The following NTRK1 variants were observed in gnomAD, a reference collection of about 807,000 sequenced individuals.
The protein encoded by NTRK1 is high affinity nerve growth factor receptor.
A neutral mutation model predicts 86.8 loss-of-function variants in NTRK1; 62 were observed. The ratio of observed to expected loss-of-function variants is 0.71; its 90% CI spans 0.58 to 0.88. The LOEUF is 0.88. Among genes scored for constraint, NTRK1 ranks in the 40% least tolerant of loss-of-function variants. NTRK1 has a pLI of 0.00. For missense variants in NTRK1, 967 were observed against 1,078.4 expected, an observed-to-expected ratio of 0.90 and a Z score of 1.45; for synonymous variants, 469 against 456.6, an observed-to-expected ratio of 1.03 and a Z score of -0.35.
chr1:156,843,615 T>A, intron 2 of NTRK1: 3 of 889,166 alleles, frequency 3.4e-6, no homozygotes, highest in African/African-American at 1.6e-5. Flanking sequence ...GGGTGACTCC[T>A]GGGGATCCCT....
Position 156,876,147 on chromosome 1 carries a change from G to C in NTRK1, c.1569G>C (p.Lys523Asn). ...AGCTGGGGGAGGGCGCCTTTGGGAA[G>C]GTCTTCCTTGCTGAGTGCCACAACC... ...KWELGEGAFG[K>N]VFLAECHNLL... The change falls in exon 13 of 17, where the codon AAG (lysine) becomes AAC (asparagine). Residue 523 changes from lysine to asparagine, a missense_variant. This residue lies in a region of NTRK1 where 637 missense variants were observed against 776.5 expected (regional missense o/e 0.82). Coordinates refer to ENST00000524377, the MANE Select transcript of NTRK1 (RefSeq NM_002529.4). 1 of 1,614,212 alleles carries C rather than the reference G, an allele frequency of 6.2e-7. No individual in the cohort carries two copies. The highest frequency in any genetic ancestry group is 8.5e-7 in the Non-Finnish European group (1 of 1,180,036).
chr1:156,826,535 C>T lies in NTRK1; in HGVS notation c.-64+10697C>T, dbSNP rs189819494. On this transcript the variant is annotated intron_variant, in intron 1 of 16. Transcript: ENST00000392302. The stretch of plus-strand genomic sequence containing the variant: ...TGATCTCCTGACCTCGTGATCCGCC[C>T]GCCTCGGCCTCCCAAAGTGCTGGGA... Among the ~76,000 whole-genome samples the T allele has an allele frequency of 2.8e-3, 427 of 152,030 alleles. 2 individuals are homozygous for T. Among genetic ancestry groups the T allele is most frequent in the African/African-American group, 1.0e-2 (414 of 41,488 alleles).
At chr1:156,880,297 T>TGTG in intron 16 of NTRK1, 140 bp downstream of exon 16, 1 of 837,004 alleles carries the variant, frequency 1.2e-6, no homozygotes, top group African/African-American at 1.7e-5. Flanking sequence ...GTGCCCACAC[T>TGTG]GTGTCCCCTC....
chr1:156,864,058 G>A (rs1655809546), intron 1 of NTRK1, among the ~76,000 whole-genome samples: 1 of 152,208 alleles, frequency 6.6e-6, no homozygotes, highest in African/African-American at 2.4e-5. Context: ...ACCTAGGTGT[G>A]TGCATGTGTG....
At chr1:156,846,154 G>A in intron 2 of NTRK1, 2 of 1,543,280 alleles carry the variant, frequency 1.3e-6, no homozygotes. Flanking sequence ...TCAGGGGTGT[G>A]GGTCTTCCTC....
Position 156,841,048 on chromosome 1 carries a change from G to A in NTRK1, c.-63-1033G>A, listed in dbSNP as rs779655008. 158 of 1,593,166 alleles carry A rather than the reference G, an allele frequency of 9.9e-5. No individual in the cohort carries two copies. Among genetic ancestry groups the A allele is most frequent in the Middle Eastern group, 3.3e-4 (2 of 6,034 alleles). ...CTCCTGTATGCTGTCCAGAATGTGT[G>A]TGAAAGATGGGCGCAGGCGTGGGTT... On this transcript the variant is annotated intron_variant, in intron 1 of 16. Coordinates refer to the NTRK1 transcript ENST00000392302.
intron 1 of NTRK1, among the ~76,000 whole-genome samples, chr1:156,833,831 T>C (rs1286957500): frequency 6.6e-6 from 1 of 152,164 alleles, no homozygotes; most frequent in Non-Finnish European, 1.5e-5. Flanking sequence ...GTTTGTTTCC[T>C]TTCAGTGTTG....
chr1:156,868,614 C>T lies in NTRK1; in HGVS notation c.684C>T (p.Ile228=), dbSNP rs768808571. The T allele has an allele frequency of 1.4e-5, 21 of 1,550,978 alleles. No homozygotes were observed. In the South Asian group the frequency reaches 2.3e-4, roughly 17 times the overall value. The change falls in exon 6 of 17, where the codon ATC becomes ATT. Residue 228 remains isoleucine (I), a synonymous_variant. Transcript: ENST00000524377. ...GGGGCCTGGAGCAGGCCGGCTGGAT[C>T]CTCACAGAGCTGGAGCAGTCAGCCA... The part of the protein sequence containing the change: ...EGRGLEQAGW[I]LTELEQSATV...
At chr1:156,841,258 G>A in intron 1 of NTRK1, 1 of 1,013,306 alleles carries the variant, frequency 9.9e-7, no homozygotes, top group South Asian at 1.4e-5. Context: ...GGGGGTTTGG[G>A]ATAGGGGGGT....
chr1:156,861,018 G>T lies in NTRK1; in HGVS notation c.84G>T (p.Leu28=). The change falls in exon 1 of 17, where the codon CTG becomes CTT. Residue 28 remains leucine, a synonymous_variant. Transcript: ENST00000524377. The part of the protein sequence containing the change: ...GPGSLLAWLI[L]ASAGAAPCPD... ...GCAGCCTGCTGGCTTGGCTGATACT[G>T]GCATCTGCGGGCGCCGCACCCTGCC... 6.5e-7 allele frequency: 1 copy of T among 1,540,198 alleles called. No homozygotes were observed.
intron 14 of NTRK1, among the ~76,000 whole-genome samples, 187 bp from the exon 15 acceptor site, chr1:156,878,935 G>A (rs144682196): frequency 1.1e-3 from 171 of 152,258 alleles, no homozygotes; most frequent in African/African-American, 3.7e-3. Flanking sequence ...GAGCCCTGGA[G>A]GTGGGCACAC....
At chr1:156,860,237 C>T (rs533627102), upstream of NTRK1, among the ~76,000 whole-genome samples, 1 of 152,256 alleles carries the variant, frequency 6.6e-6, no homozygotes, top group Admixed American at 6.5e-5. Context: ...GGGGAGCTCG[C>T]GCCTTTGCGC....
chr1:156,841,044 G>A (rs1320179426), intron 1 of NTRK1: 2 of 1,596,370 alleles, frequency 1.3e-6, no homozygotes, highest in African/African-American at 1.3e-5. Flanking sequence ...TGTCCAGAAT[G>A]TGTGTGAAAG....
intron 4 of NTRK1, 92 bp downstream of exon 4, chr1:156,867,070 T>C: frequency 7.1e-6 from 9 of 1,268,256 alleles, no homozygotes; most frequent in Non-Finnish European, 1.0e-5. Context: ...TCACTGTGTC[T>C]GTGTGACACT....
rs2102906406 is a variant in NTRK1 at position 156,873,940 on chromosome 1, C to T, written c.1158C>T (p.Asn386=). 1.1e-5 allele frequency: 17 copies of T among 1,554,046 alleles called. No individual in the cohort carries two copies. Among genetic ancestry groups the T allele is most frequent in the Non-Finnish European group, 1.5e-5 (17 of 1,148,276 alleles). Reference sequence around the variant, plus strand: ...TCATGGACAACCCTTTCGAGTTCAACCCCGAGGACCCCATCCCTGGTGCGA... The same window carrying T: ...TCATGGACAACCCTTTCGAGTTCAATCCCGAGGACCCCATCCCTGGTGCGA... ...AAFMDNPFEF[N]PEDPIPVSFS... Residue 386 remains asparagine, a synonymous_variant, in exon 8 of 17, where the codon AAC becomes AAT. Coordinates refer to ENST00000524377, the MANE Select transcript of NTRK1 (RefSeq NM_002529.4).
intron 1 of NTRK1, among the ~76,000 whole-genome samples, chr1:156,820,244 C>A (rs113457848): frequency 0.033 from 4,976 of 152,140 alleles, 325 homozygotes; most frequent in African/African-American, 0.11. Flanking sequence ...CTTCCCCAAT[C>A]TATTTATTTG....
chr1:156,852,002 G>A (rs1655231893), intron 2 of NTRK1: 1 of 1,612,790 alleles, frequency 6.2e-7, no homozygotes, highest in Non-Finnish European at 8.5e-7. Flanking sequence ...GCGCTCAGCT[G>A]TGACACAGCG....
At chr1:156,871,976 T>C (rs1647586654) in intron 7 of NTRK1, among the ~76,000 whole-genome samples, 1 of 152,192 alleles carries the variant, frequency 6.6e-6, no homozygotes. Context: ...TCTGGCCCCC[T>C]GCCCGAGCCT....
rs1408544891 is a variant in NTRK1 at position 156,848,843 on chromosome 1, C to T, written c.50+6650C>T. ...GTCTTCATAGCCTCGCTGAGCTCCGCCCTCACCTGCCTGTGGTCCCGAAGA... is the reference window on the plus strand; with the variant it reads ...GTCTTCATAGCCTCGCTGAGCTCCGTCCTCACCTGCCTGTGGTCCCGAAGA... On this transcript the variant is annotated intron_variant, in intron 2 of 16. Transcript: ENST00000392302. 4 of 1,497,564 alleles carry T rather than the reference C, an allele frequency of 2.7e-6. No homozygotes were observed. The African/African-American group carries it at 5.5e-5, about 21-fold the overall frequency. 92.8% of individuals were successfully genotyped at this position (1,497,564 alleles called of 1,614,324 possible).
Sources: gnomAD v4.1 joint callset for allele counts (sites outside exome capture counted in the v4.1 genomes callset) on GRCh38, gnomAD v4.1.1 for gene constraint, gnomAD v4.1.1 regional missense constraint, MANE v1.5 for transcripts, NCBI Gene and HGNC (gene_info 2026-07-23, HGNC 2026-07-21) for gene names.